STK3: variants seen among roughly 807,000 people sequenced by gnomAD.
STK3 encodes the protein serine/threonine-protein kinase 3.
Under a neutral mutation model 58.0 loss-of-function variants are expected in STK3, and 41 were observed. That is an observed-to-expected ratio of 0.71 (90% CI 0.55 to 0.92). STK3 has a LOEUF of 0.92. Ranked by LOEUF, STK3 falls within the 40% of genes least tolerant of loss-of-function variation. The pLI is 0.00. For missense variants in STK3, 479 were observed against 602.7 expected (o/e 0.79, Z 2.15); for synonymous variants, 170 against 191.0 (o/e 0.89, Z 0.91).
chr8:98,887,468 CT>C (rs376965917), intron 1 of STK3, among the ~76,000 whole-genome samples: 20 of 152,276 alleles, frequency 1.3e-4, no homozygotes, highest in African/African-American at 4.8e-4. Context: ...ATTTTTGCAA[CT>C]TTCTGTGAAT....
At chr8:98,463,774 T>C (rs961200400) in intron 10 of STK3, among the ~76,000 whole-genome samples, 1 of 152,128 alleles carries the variant, frequency 6.6e-6, no homozygotes, top group African/African-American at 2.4e-5. Flanking sequence ...ATAGTCGTAA[T>C]TACATGAGCG....
At chr8:98,366,840 C>T (rs562263950), downstream of STK3, among the ~76,000 whole-genome samples, 1 of 152,278 alleles carries the variant, frequency 6.6e-6, no homozygotes, top group Non-Finnish European at 1.5e-5. Context: ...CCTATCTTTC[C>T]AAGAGTCATC....
intron 9 of STK3, among the ~76,000 whole-genome samples, chr8:98,527,299 T>G (rs1438241825): frequency 6.6e-6 from 1 of 152,180 alleles, no homozygotes; most frequent in Non-Finnish European, 1.5e-5. Context: ...CCTGCATTGC[T>G]ATTGTTATTG....
At chr8:98,551,769 A>G (rs1183893189) in intron 8 of STK3, among the ~76,000 whole-genome samples, 2 of 152,174 alleles carry the variant, frequency 1.3e-5, no homozygotes, top group African/African-American at 4.8e-5. Flanking sequence ...TGTTTTGTAT[A>G]GCACCTTTAC....
intron 6 of STK3, among the ~76,000 whole-genome samples, chr8:98,679,133 T>A (rs537655913): frequency 3.7e-4 from 57 of 152,334 alleles, no homozygotes; most frequent in African/African-American, 1.4e-3. Context: ...TGCAAAAGTC[T>A]CCTAACTAGT....
chr8:98,551,871 T>C (rs1182070230), intron 8 of STK3, among the ~76,000 whole-genome samples: 1 of 152,106 alleles, frequency 6.6e-6, no homozygotes, highest in Non-Finnish European at 1.5e-5. Context: ...GACTTTTTCA[T>C]GGAATTATAA....
intron 3 of STK3, among the ~76,000 whole-genome samples, chr8:98,836,527 A>G (rs1245149271): frequency 1.3e-5 from 2 of 152,186 alleles, no homozygotes; most frequent in Non-Finnish European, 2.9e-5. Context: ...AATAGCACCT[A>G]TATTCTTTAG....
intron 1 of STK3, among the ~76,000 whole-genome samples, chr8:98,822,739 A>G (rs748405115): frequency 6.6e-6 from 1 of 152,210 alleles, no homozygotes; most frequent in Non-Finnish European, 1.5e-5. Flanking sequence ...TAAATAAAGA[A>G]CAACGGGGGC....
At chr8:98,618,007 C>G (rs1211489911) in intron 6 of STK3, among the ~76,000 whole-genome samples, 1 of 151,898 alleles carries the variant, frequency 6.6e-6, no homozygotes. Flanking sequence ...AGAGACACAA[C>G]CAAAAAGAAG....
At chr8:98,606,698 G>C (rs1357226684) in intron 6 of STK3, among the ~76,000 whole-genome samples, 1 of 152,158 alleles carries the variant, frequency 6.6e-6, no homozygotes, top group East Asian at 1.9e-4. Flanking sequence ...AGAGCCTCCT[G>C]GTTGGCAAAC....
intron 3 of STK3, among the ~76,000 whole-genome samples, chr8:98,876,852 G>C (rs1192289378): frequency 5.9e-5 from 9 of 152,234 alleles, no homozygotes; most frequent in Admixed American, 5.9e-4. Context: ...GATGAAAACA[G>C]ACAAATATAT....
intron 7 of STK3, among the ~76,000 whole-genome samples, chr8:98,592,827 G>A (rs1255391391): frequency 2.6e-5 from 4 of 151,740 alleles, no homozygotes; most frequent in Admixed American, 6.6e-5. Flanking sequence ...GCAGTGGTGC[G>A]ATCTTGGCTC....
At chr8:98,782,330 G>A (rs1250567947) in intron 1 of STK3, 2 of 182,116 alleles carry the variant, frequency 1.1e-5, no homozygotes, top group Non-Finnish European at 2.3e-5. Context: ...ACCTGGGTGA[G>A]GAGAATAGGA....
intron 10 of STK3, among the ~76,000 whole-genome samples, chr8:98,515,800 T>C (rs961759562): frequency 3.3e-5 from 5 of 151,960 alleles, no homozygotes; most frequent in Non-Finnish European, 5.9e-5. Context: ...TAAAATTTTA[T>C]TATTATTATA....
At chr8:98,672,906 A>G (rs1386015963) in intron 6 of STK3, among the ~76,000 whole-genome samples, 1 of 152,162 alleles carries the variant, frequency 6.6e-6, no homozygotes, top group African/African-American at 2.4e-5. Context: ...TTTTACATAC[A>G]GAGAAGCCAT....
At chr8:98,813,132 T>C (rs891189417) in intron 1 of STK3, among the ~76,000 whole-genome samples, 3 of 152,058 alleles carry the variant, frequency 2.0e-5, no homozygotes, top group Non-Finnish European at 4.4e-5. Flanking sequence ...CAGAGACAAA[T>C]GCTTTACAAT....
intron 3 of STK3, among the ~76,000 whole-genome samples, chr8:98,877,681 C>G (rs959061457): frequency 6.6e-6 from 1 of 152,054 alleles, no homozygotes; most frequent in Non-Finnish European, 1.5e-5. Context: ...CGGGGTTTCT[C>G]CATGTTGGTC....
intron 10 of STK3, among the ~76,000 whole-genome samples, chr8:98,471,875 T>C (rs1586645088): frequency 6.6e-6 from 1 of 152,208 alleles, no homozygotes; most frequent in Non-Finnish European, 1.5e-5. Flanking sequence ...TAAAATCCCA[T>C]GGGTGTAGCT....
At chr8:98,826,232 G>C (rs1238818275), upstream of STK3, among the ~76,000 whole-genome samples, 5 of 152,132 alleles carry the variant, frequency 3.3e-5, no homozygotes, top group Admixed American at 3.3e-4. Flanking sequence ...GTGTGAATCC[G>C]TTTGAAGTAT....
Sources: allele counts gnomAD v4.1 joint callset (sites outside exome capture counted in the v4.1 genomes callset), GRCh38; gene constraint gnomAD v4.1.1; transcripts MANE v1.5; gene names NCBI Gene and HGNC (gene_info 2026-07-23, HGNC 2026-07-21).